Variants in PRKN observed in about 807,000 individuals in gnomAD.
PRKN encodes the protein parkin RBR E3 ubiquitin protein ligase, also known as E3 ubiquitin-protein ligase parkin.
PRKN carries 56 observed loss-of-function variants against 59.5 expected under a neutral mutation model. The ratio of observed to expected loss-of-function variants is 0.94; its 90% CI spans 0.76 to 1.18. The LOEUF (loss-of-function observed/expected upper bound fraction) is 1.18, where lower values mean the gene tolerates loss of function less well. PRKN is among the 50% of genes most tolerant of loss of function. The pLI, the probability that PRKN is intolerant of heterozygous loss-of-function variation, is 0.00. For synonymous variants in PRKN, 250 were observed against 222.1 expected (o/e 1.13, Z -1.12); for missense variants, 657 against 596.4 (o/e 1.10, Z -1.06).
chr6:162,085,810 C>T (rs981389093), intron 4 of PRKN, among the ~76,000 whole-genome samples: 1 of 151,814 alleles, frequency 6.6e-6, no homozygotes, highest in African/African-American at 2.4e-5. Context: ...GTGAAAAACA[C>T]TTTTATGACA....
intron 7 of PRKN, among the ~76,000 whole-genome samples, chr6:161,700,897 A>T (rs974826759): frequency 3.9e-5 from 6 of 152,248 alleles, no homozygotes; most frequent in African/African-American, 1.2e-4. Flanking sequence ...AATGAAGGTT[A>T]TATTTCAAAT....
In PRKN at chr6:162,364,741, G is replaced by A. The variant is rs555270076; in HGVS notation, c.171+78569C>T. Among the ~76,000 whole-genome samples the A allele has an allele frequency of 1.2e-4, 18 of 152,246 alleles. No individual in the cohort carries two copies. The South Asian group carries it at 3.7e-3, about 32-fold the overall frequency. Reference sequence around the variant, plus strand: ...GCTGCACAACTGACATGGTTGTGGGGTGTGAAGGGGAATCAGGAAGAGGGA... The same window carrying A: ...GCTGCACAACTGACATGGTTGTGGGATGTGAAGGGGAATCAGGAAGAGGGA... On this transcript the variant is annotated intron_variant, in intron 2 of 11. Transcript: ENST00000366898.
At chr6:162,254,707 GC>G (rs1475450541) in intron 3 of PRKN, among the ~76,000 whole-genome samples, 2 of 152,022 alleles carry the variant, frequency 1.3e-5, no homozygotes, top group Non-Finnish European at 2.9e-5. Flanking sequence ...GCTTTGTTAA[GC>G]CCCCTGTGAC....
chr6:162,573,880 C>T (rs1780449394), intron 1 of PRKN, among the ~76,000 whole-genome samples: 1 of 152,056 alleles, frequency 6.6e-6, no homozygotes, highest in Non-Finnish European at 1.5e-5. Context: ...AAGCGTGAGG[C>T]CTGTTAGAAA....
intron 7 of PRKN, among the ~76,000 whole-genome samples, chr6:161,771,396 A>AAAAAAAAAAAT (rs1562671030): frequency 1.3e-5 from 2 of 148,388 alleles, no homozygotes; most frequent in African/African-American, 5.1e-5. Context: ...ATAAAATAAA[A>AAAAAAAAAAAT]TAAAAGCACT....
At position 161,576,010 on chromosome 6, in the gene PRKN, G is replaced by T. The variant is rs1460011596; in HGVS notation, c.872-6594C>A. Among the ~76,000 whole-genome samples the T allele has an allele frequency of 6.6e-6, 1 of 152,192 alleles. No homozygotes were observed. Among genetic ancestry groups the T allele is most frequent in the East Asian group, 1.9e-4 (1 of 5,186 alleles). ...TGCAGGCTGGGCTGCAGCAGTGAAG[G>T]AATCCAGTGGGCGGCTTGCTACTCC... is the stretch of plus-strand genomic sequence containing the variant. On this transcript the variant is annotated intron_variant, in intron 7 of 11. Coordinates refer to ENST00000366898, the MANE Select transcript of PRKN (RefSeq NM_004562.3). The surrounding 1 kb of genome is among the most constrained non-coding windows in gnomAD (Gnocchi z 4.6).
intron 1 of PRKN, among the ~76,000 whole-genome samples, chr6:162,703,393 G>C (rs1231730199): frequency 6.6e-6 from 1 of 152,078 alleles, no homozygotes; most frequent in Non-Finnish European, 1.5e-5. Context: ...ATTAACATGT[G>C]ATACTGTTCC....
intron 2 of PRKN, among the ~76,000 whole-genome samples, chr6:162,272,253 A>G (rs117347543): frequency 0.034 from 5,234 of 152,302 alleles, 131 homozygotes; most frequent in Middle Eastern, 0.075. Flanking sequence ...TCCCTCTTTC[A>G]TGAATACAAA....
At chr6:162,469,363 T>A (rs74670263) in intron 1 of PRKN, among the ~76,000 whole-genome samples, 3 of 82,372 alleles carry the variant, frequency 3.6e-5, no homozygotes, top group African/African-American at 8.0e-5. Flanking sequence ...GGGGGGTGGG[T>A]GACAGAGGAA....
At chr6:162,233,564 T>C (rs945475796) in intron 3 of PRKN, among the ~76,000 whole-genome samples, 1 of 152,260 alleles carries the variant, frequency 6.6e-6, no homozygotes, top group Non-Finnish European at 1.5e-5. Flanking sequence ...CTCCTCATTT[T>C]ATAGACAAAG....
rs1781810979 is a variant in PRKN at position 161,593,742 on chromosome 6, G to T, written c.872-24326C>A. 6.6e-6 allele frequency among the ~76,000 whole-genome samples: 1 copy of T among 152,170 alleles called. No homozygotes were observed. Among genetic ancestry groups the T allele is most frequent in the Non-Finnish European group, 1.5e-5 (1 of 68,032 alleles). ...GGAGTTCTGCTTCGGATGCCACATT[G>T]GCAAAGCTTATAAATTATCCAGTTG... On this transcript the variant is annotated intron_variant, in intron 7 of 11. Transcript: ENST00000366898. The surrounding 1 kb of genome is among the most constrained non-coding windows in gnomAD (Gnocchi z 4.8).
At chr6:162,501,587 C>A (rs1793379415) in intron 1 of PRKN, among the ~76,000 whole-genome samples, 1 of 151,460 alleles carries the variant, frequency 6.6e-6, no homozygotes, top group South Asian at 2.1e-4. Flanking sequence ...AACTCCTGAC[C>A]TCAAGTGATC....
At chr6:161,394,952 A>AT (rs1298150268) in intron 9 of PRKN, among the ~76,000 whole-genome samples, 3 of 152,256 alleles carry the variant, frequency 2.0e-5, no homozygotes, top group African/African-American at 7.2e-5. Flanking sequence ...TTGGCCATTT[A>AT]TTTTTTTCTT....
intron 7 of PRKN, among the ~76,000 whole-genome samples, chr6:161,749,086 A>G (rs1319696661): frequency 6.6e-6 from 1 of 152,168 alleles, no homozygotes; most frequent in Non-Finnish European, 1.5e-5. Flanking sequence ...GACTCTCTAT[A>G]GTAAGGATTC....
rs35219002 is a variant in PRKN, at chr6:161,357,048, C to CTTT, written c.1285+3037_1285+3039dup. 4.1e-3 allele frequency among the ~76,000 whole-genome samples: 469 copies of CTTT among 115,578 alleles called. 5 individuals carry two copies. The highest frequency in any genetic ancestry group is 0.01 in the African/African-American group (292 of 29,010). The allele number at this position is 115,578 out of a possible 152,430, so 75.8% of individuals were successfully genotyped here. A position where few individuals can be genotyped will look rare whatever the true frequency, so the allele number is the denominator to read the frequency against. On this transcript the variant is annotated intron_variant, in intron 11 of 11. Coordinates refer to ENST00000366898, the MANE Select transcript of PRKN (RefSeq NM_004562.3). The surrounding 1 kb of genome is among the most constrained non-coding windows in gnomAD (Gnocchi z 5.5). ...CAGGTCCAGGTTCGCTGACCACTTCCTTTTTTTTTTTTTTTTTTTTTGAGA... is the reference window on the plus strand; with the variant it reads ...CAGGTCCAGGTTCGCTGACCACTTCCTTTTTTTTTTTTTTTTTTTTTTTTGAGA...
rs1443220378 is a variant in PRKN at position 161,395,611 on chromosome 6, G to A, written c.1084-8734C>T. On this transcript the variant is annotated intron_variant, in intron 9 of 11. Coordinates refer to ENST00000366898, the MANE Select transcript of PRKN (RefSeq NM_004562.3). This position sits in a 1 kb window ranked among gnomAD's most constrained non-coding sequence, Gnocchi z 5.0. The stretch of plus-strand genomic sequence containing the variant: ...GGAAGCTGCTTCCCCAACACGCTGT[G>A]GTCTCAACCACCGCCTTTGTCAAGC... Among the ~76,000 whole-genome samples the A allele has an allele frequency of 6.6e-6, 1 of 152,124 alleles. No individual in the cohort carries two copies. Among genetic ancestry groups the A allele is most frequent in the Non-Finnish European group, 1.5e-5 (1 of 68,034 alleles).
At chr6:161,815,717 G>A (rs916630413) in intron 6 of PRKN, among the ~76,000 whole-genome samples, 19 of 152,184 alleles carry the variant, frequency 1.2e-4, no homozygotes, top group African/African-American at 4.6e-4. Context: ...TTCAGGGAGG[G>A]AGACCCCAGC....
intron 7 of PRKN, among the ~76,000 whole-genome samples, chr6:161,624,371 T>C (rs1783012181): frequency 6.6e-6 from 1 of 152,248 alleles, no homozygotes; most frequent in Admixed American, 6.5e-5. Context: ...ATCCCTACTG[T>C]ACTTAAGCCA....
chr6:161,800,315 C>G (rs917228124), intron 6 of PRKN, among the ~76,000 whole-genome samples: 2 of 152,136 alleles, frequency 1.3e-5, no homozygotes. Flanking sequence ...CTACCATTTG[C>G]AGATTTCTCG....
Sources: gnomAD v4.1 joint callset for allele counts (sites outside exome capture counted in the v4.1 genomes callset) on GRCh38, gnomAD v4.1.1 for gene constraint, Gnocchi (gnomAD v3.1) non-coding constraint, MANE v1.5 for transcripts, NCBI Gene and HGNC (gene_info 2026-07-23, HGNC 2026-07-21) for gene names.